Variants in CARD19 observed in about 807,000 individuals in gnomAD.
CARD19 encodes the protein caspase recruitment domain-containing protein 19.
Under a neutral mutation model 24.1 loss-of-function variants are expected in CARD19, and 25 were observed. The observed-to-expected ratio is 1.04, with a 90% CI of 0.76 to 1.45. CARD19 has a LOEUF of 1.45. Ranked by LOEUF, CARD19 falls within the 40% of genes most tolerant of loss-of-function variation. CARD19 has a pLI of 0.00. For synonymous variants in CARD19, 103 were observed against 104.9 expected (o/e 0.98, Z 0.11); for missense variants, 241 against 247.4 (o/e 0.97, Z 0.17).
intron 1 of CARD19, among the ~76,000 whole-genome samples, chr9:93,106,091 T>A (rs1032219075): frequency 2.6e-5 from 4 of 152,326 alleles, no homozygotes; most frequent in Admixed American, 2.6e-4. Flanking sequence ...TAATCGTTTT[T>A]GACTTATAGT....
At chr9:93,111,981 C>T (rs1237119498) in intron 4 of CARD19, 43 bp downstream of exon 4, 1 of 1,586,660 alleles carries the variant, frequency 6.3e-7, no homozygotes, top group African/African-American at 1.3e-5. Flanking sequence ...CCCTCTCTCT[C>T]CCTCTCTCTT....
At position 93,107,661 on chromosome 9, in the gene CARD19, C is replaced by T. The variant is rs2275849; in HGVS notation, c.8-13C>T. ...GGCTGTGCTGGCTCATGACCCTGTG[C>T]TATCTGTTTTAGATCAGACCTATTG... On this transcript the variant is annotated splice_polypyrimidine_tract_variant and intron_variant, in intron 1 of 5. Coordinates refer to ENST00000375464, the MANE Select transcript of CARD19 (RefSeq NM_032310.5). The T allele has an allele frequency of 0.11, 179,447 of 1,613,624 alleles. 18,436 individuals carry two copies. Among genetic ancestry groups the T allele is most frequent in the African/African-American group, 0.54 (40,657 of 74,972 alleles).
intron 3 of CARD19, chr9:93,110,955 C>T: frequency 3.3e-6 from 5 of 1,526,110 alleles, no homozygotes; most frequent in Middle Eastern, 1.7e-4. Flanking sequence ...TCTCCCCCTT[C>T]CTCCGTCTCT....
rs780479839 is a variant in CARD19 at position 93,113,155 on chromosome 9, C to G, written c.*48C>G. On this transcript the variant is annotated 3_prime_UTR_variant, in exon 6 of 6. Coordinates refer to ENST00000375464, the MANE Select transcript of CARD19 (RefSeq NM_032310.5). ...ACCTGCCACTCAACCAAAGAGTCCT[C>G]GAGCCGGCCCGCCAAGGGGACTGCT... The G allele has an allele frequency of 8.1e-7, 1 of 1,227,298 alleles. No homozygotes were observed. The highest frequency in any genetic ancestry group is 1.1e-6 in the Non-Finnish European group (1 of 880,172). The allele number at this position is 1,227,298 out of a possible 1,614,324, so 76.0% of individuals were successfully genotyped here.
chr9:93,099,895 A>C (rs1464683192), intron 1 of CARD19, among the ~76,000 whole-genome samples: 1 of 152,218 alleles, frequency 6.6e-6, no homozygotes, highest in Non-Finnish European at 1.5e-5. Context: ...TGTGGGCATC[A>C]TCAGGGGCCC....
intron 1 of CARD19, among the ~76,000 whole-genome samples, chr9:93,106,257 T>C (rs1282943471): frequency 6.6e-6 from 1 of 151,926 alleles, no homozygotes; most frequent in Non-Finnish European, 1.5e-5. Flanking sequence ...ATTTTAAAAA[T>C]CCACTCTGCC....
At chr9:93,112,395 C>T (rs1052572202) in intron 5 of CARD19, 106 bp downstream of exon 5, 9 of 896,854 alleles carry the variant, frequency 1.0e-5, no homozygotes, top group East Asian at 7.9e-5. Context: ...CTTCGTACCT[C>T]GGTGTCCACA....
At position 93,113,160 on chromosome 9, in the gene CARD19, C is replaced by A; in HGVS notation, c.*53C>A. The A allele has an allele frequency of 8.2e-7, 1 of 1,212,532 alleles. No individual in the cohort carries two copies. The highest frequency in any genetic ancestry group is 1.5e-5 in the African/African-American group (1 of 65,456). 75.1% of individuals were successfully genotyped at this position (1,212,532 alleles called of 1,614,324 possible). ...CCACTCAACCAAAGAGTCCTCGAGC[C>A]GGCCCGCCAAGGGGACTGCTGCTTC... On this transcript the variant is annotated 3_prime_UTR_variant, in exon 6 of 6. Transcript: ENST00000375464.
At position 93,107,831 on chromosome 9, in the gene CARD19, A is replaced by C. The variant is rs766564158; in HGVS notation, c.150+15A>C. The C allele has an allele frequency of 1.2e-6, 2 of 1,614,078 alleles. No individual in the cohort carries two copies. Among genetic ancestry groups the C allele is most frequent in the South Asian group, 2.2e-5 (2 of 91,080 alleles). ...AGGCGGAAAAGGTGCTGAGGAGGTG[A>C]GGGGGGTACCCGAGACACTGCTCAG... On this transcript the variant is annotated intron_variant, in intron 2 of 5. Coordinates refer to ENST00000375464, the MANE Select transcript of CARD19 (RefSeq NM_032310.5).
intron 1 of CARD19, among the ~76,000 whole-genome samples, chr9:93,101,660 G>A (rs376566481): frequency 2.6e-4 from 39 of 151,754 alleles, no homozygotes; most frequent in African/African-American, 7.7e-4. Context: ...GGATGGTCTC[G>A]ATCTCCTGAC....
intron 1 of CARD19, among the ~76,000 whole-genome samples, chr9:93,104,117 A>T (rs1394234934): frequency 6.6e-6 from 1 of 152,182 alleles, no homozygotes; most frequent in Non-Finnish European, 1.5e-5. Context: ...TATTTCATTG[A>T]TTGATTTTTG....
intron 3 of CARD19, chr9:93,110,948 C>T: frequency 2.0e-6 from 3 of 1,528,046 alleles, no homozygotes; most frequent in Non-Finnish European, 2.6e-6. Flanking sequence ...CCCACTTTCT[C>T]CCCCTTCCTC....
chr9:93,097,567 G>A (rs1017465504), intron 1 of CARD19, among the ~76,000 whole-genome samples: 9 of 152,208 alleles, frequency 5.9e-5, no homozygotes, highest in African/African-American at 2.2e-4. Flanking sequence ...GCCCTGCCCA[G>A]GCTGGGATTC....
At position 93,110,734 on chromosome 9, in the gene CARD19, T is replaced by A; in HGVS notation, c.304+13T>A. 1 of 1,607,288 alleles carries A rather than the reference T, an allele frequency of 6.2e-7. No homozygotes were observed. Among genetic ancestry groups the A allele is most frequent in the Non-Finnish European group, 8.5e-7 (1 of 1,179,028 alleles). ...CGCCACGCTCTGCGTAAGTTCCACA[T>A]CACCAACCATGCATGCTTGGTGCTG... On this transcript the variant is annotated intron_variant, in intron 3 of 5. Transcript: ENST00000375464.
At chr9:93,102,243 A>C (rs78491403) in intron 1 of CARD19, among the ~76,000 whole-genome samples, 2 of 152,126 alleles carry the variant, frequency 1.3e-5, no homozygotes, top group Admixed American at 1.3e-4. Flanking sequence ...AAGTGCTGGG[A>C]TTACAGGTGT....
In CARD19 at chr9:93,112,252, T is replaced by G. The variant is rs2130734317; in HGVS notation, c.399T>G (p.Ala133=). 1.3e-6 allele frequency: 2 copies of G among 1,545,130 alleles called. No homozygotes were observed. The highest frequency in any genetic ancestry group is 2.4e-5 in the East Asian group (1 of 40,910). The change falls in exon 5 of 6, where the codon GCT becomes GCG. Residue 133 remains alanine, a synonymous_variant. Transcript: ENST00000375464. ...PMSFLAGLGL[A]VGLALLLYCY... Reference sequence around the variant, plus strand: ...GCTTCCTGGCTGGCCTGGGCCTTGCTGTGGGACTGGCCCTGCTCCTGTACT... The same window carrying G: ...GCTTCCTGGCTGGCCTGGGCCTTGCGGTGGGACTGGCCCTGCTCCTGTACT...
At chr9:93,102,874 T>C (rs1827133941) in intron 1 of CARD19, among the ~76,000 whole-genome samples, 1 of 152,186 alleles carries the variant, frequency 6.6e-6, no homozygotes, top group African/African-American at 2.4e-5. Flanking sequence ...CCTAAGTATT[T>C]TATTCTTTTC....
At chr9:93,109,405 C>T (rs1028246571) in intron 2 of CARD19, among the ~76,000 whole-genome samples, 1 of 151,800 alleles carries the variant, frequency 6.6e-6, no homozygotes, top group African/African-American at 2.4e-5. Context: ...GCCCAGTGGC[C>T]TGTCCACTGA....
chr9:93,100,384 C>T (rs996652888), intron 1 of CARD19, among the ~76,000 whole-genome samples: 3 of 152,196 alleles, frequency 2.0e-5, no homozygotes, highest in African/African-American at 7.2e-5. Flanking sequence ...ACTCTCGGCT[C>T]ACTGCAACCT....
Sources: gnomAD v4.1 joint callset for allele counts (sites outside exome capture counted in the v4.1 genomes callset) on GRCh38, gnomAD v4.1.1 for gene constraint, MANE v1.5 for transcripts, NCBI Gene and HGNC (gene_info 2026-07-23, HGNC 2026-07-21) for gene names.